DPP9: variants seen among roughly 807,000 people sequenced by gnomAD.
DPP9 encodes dipeptidyl peptidase 9.
In DPP9, 50 loss-of-function variants were observed where a neutral mutation model predicts 110.7. The ratio of observed to expected loss-of-function variants is 0.45; its 90% CI spans 0.36 to 0.57. The LOEUF is 0.57. Among genes scored for constraint, DPP9 ranks in the 20% least tolerant of loss-of-function variants. The probability of loss-of-function intolerance (pLI) is 0.00; values close to 1 mark genes in which losing one functional copy is unlikely to be tolerated. For missense variants in DPP9, 1,022 were observed against 1,217.9 expected, an observed-to-expected ratio of 0.84 and a Z score of 2.39; for synonymous variants, 561 against 514.4, an observed-to-expected ratio of 1.09 and a Z score of -1.23.
At position 4,694,649 on chromosome 19, in the gene DPP9, G is replaced by A. The variant is rs887857801; in HGVS notation, c.1516+12C>T. On this transcript the variant is annotated intron_variant, in intron 13 of 21. Transcript: ENST00000262960. This position sits in a 1 kb window ranked among gnomAD's most constrained non-coding sequence, Gnocchi z 4.0. Reference sequence around the variant, plus strand: ...CGCGATGAGTCGACAGCATTCGTCAGGCTCTGCTCACCTTCCCCGGGGCTG... The same window carrying A: ...CGCGATGAGTCGACAGCATTCGTCAAGCTCTGCTCACCTTCCCCGGGGCTG... The A allele has an allele frequency of 1.9e-6, 3 of 1,608,154 alleles. No individual in the cohort carries two copies. The highest frequency in any genetic ancestry group is 2.5e-6 in the Non-Finnish European group (3 of 1,177,206).
chr19:4,688,053 C>G (rs1263099220), intron 16 of DPP9, among the ~76,000 whole-genome samples: 1 of 152,174 alleles, frequency 6.6e-6, no homozygotes. Flanking sequence ...GCCTCAGCCT[C>G]CCAAAGTGCT....
chr19:4,701,750 G>A (rs745542124), intron 9 of DPP9, among the ~76,000 whole-genome samples: 4 of 152,232 alleles, frequency 2.6e-5, no homozygotes, highest in Admixed American at 6.5e-5. Flanking sequence ...AGTTGCAAGA[G>A]AGCCTGCCTT....
In DPP9 at chr19:4,694,809, G is replaced by C; in HGVS notation, c.1368C>G (p.Phe456Leu). ...TNVWINVHDI[F>L]YPFPQSEGED... The stretch of plus-strand genomic sequence containing the variant: ...CTCCCTCTGATTGGGGGAAGGGATA[G>C]AAGATGTCATGAACCTGTCCGGAAA... The change falls in exon 13 of 22, where the codon TTC becomes TTG. Residue 456 changes from phenylalanine (F) to leucine (L), a missense_variant. By Grantham distance (22) the Phe-to-Leu change is conservative (BLOSUM62 0). Transcript: ENST00000262960. The surrounding 1 kb of genome is among the most constrained non-coding windows in gnomAD (Gnocchi z 4.0). 1 of 1,613,888 alleles carries C rather than the reference G, an allele frequency of 6.2e-7. No individual in the cohort carries two copies. The highest frequency in any genetic ancestry group is 8.5e-7 in the Non-Finnish European group (1 of 1,179,866).
In DPP9 at chr19:4,684,338, G is replaced by A. The variant is rs1253476557; in HGVS notation, c.2178+325C>T. ...CCTCCCAGCCTCCAGAACTGTGAGA[G>A]ATTTTCGTTCTTTATAAATCCCCAG... On this transcript the variant is annotated intron_variant, in intron 18 of 21. Transcript: ENST00000262960. This position sits in a 1 kb window ranked among gnomAD's most constrained non-coding sequence, Gnocchi z 4.8. 5 of 351,826 alleles carry A rather than the reference G, an allele frequency of 1.4e-5. No homozygotes were observed. The East Asian group carries it at 2.6e-4, about 19-fold the overall frequency. The allele number at this position is 351,826 out of a possible 1,614,324, so 21.8% of individuals were successfully genotyped here.
At position 4,689,730 on chromosome 19, in the gene DPP9, G is replaced by A; in HGVS notation, c.1597-8C>T. Reference sequence around the variant, plus strand: ...CTCCTCATTGACCCAGATCTGCAGGGGGACAGGGGATCCTCGTGATGCGTC... The same window carrying A: ...CTCCTCATTGACCCAGATCTGCAGGAGGACAGGGGATCCTCGTGATGCGTC... On this transcript the variant is annotated splice_region_variant and splice_polypyrimidine_tract_variant and intron_variant, in intron 14 of 21. Coordinates refer to ENST00000262960, the MANE Select transcript of DPP9 (RefSeq NM_139159.5). This position sits in a 1 kb window ranked among gnomAD's most constrained non-coding sequence, Gnocchi z 7.0. The A allele has an allele frequency of 6.5e-7, 1 of 1,543,154 alleles. No homozygotes were observed. Among genetic ancestry groups the A allele is most frequent in the Middle Eastern group, 1.7e-4 (1 of 5,940 alleles).
chr19:4,713,951 A>G (rs2092957401), intron 4 of DPP9, 130 bp downstream of exon 4: 2 of 1,351,644 alleles, frequency 1.5e-6, no homozygotes, highest in East Asian at 5.1e-5. Flanking sequence ...GCCTCGAAGG[A>G]CAGCATGCCC....
rs1423780446 is a variant in DPP9 at position 4,687,017 on chromosome 19, A to G, written c.1886-1246T>C. Among the ~76,000 whole-genome samples, 6 of 152,200 alleles carry G rather than the reference A, an allele frequency of 3.9e-5. No individual in the cohort carries two copies. Among genetic ancestry groups the G allele is most frequent in the Non-Finnish European group, 5.9e-5 (4 of 68,052 alleles). On this transcript the variant is annotated intron_variant, in intron 16 of 21. Coordinates refer to ENST00000262960, the MANE Select transcript of DPP9 (RefSeq NM_139159.5). The surrounding 1 kb of genome is among the most constrained non-coding windows in gnomAD (Gnocchi z 4.7). ...GCACAGATTGGGAGTTTCGGGAAAC[A>G]GTGCCTCGTTCCCCAGGGCACTGAG...
intron 2 of DPP9, chr19:4,722,227 C>A (rs1263740760): frequency 4.4e-6 from 2 of 451,828 alleles, no homozygotes; most frequent in Admixed American, 3.8e-5. Context: ...TCCAGGCACC[C>A]CTCCACCAAA....
In DPP9 at chr19:4,713,661, G is replaced by A. The variant is rs993749518; in HGVS notation, c.313+420C>T. Among the ~76,000 whole-genome samples, 9 of 152,208 alleles carry A rather than the reference G, an allele frequency of 5.9e-5. No individual in the cohort carries two copies. The East Asian group carries it at 1.5e-3, about 26-fold the overall frequency. On this transcript the variant is annotated intron_variant, in intron 4 of 21. Transcript: ENST00000262960. ...GCGAGCTCCTCCTGGAGTTACTCCC[G>A]ACTCCCTCTGGGAATGGTTCAGTCC...
At chr19:4,717,338 G>C (rs2093127959) in intron 3 of DPP9, among the ~76,000 whole-genome samples, 1 of 152,182 alleles carries the variant, frequency 6.6e-6, no homozygotes, top group African/African-American at 2.4e-5. Context: ...TTAGGCAGCG[G>C]CTGGGACCAG....
In DPP9 at chr19:4,714,146, T is replaced by C. The variant is rs778643552; in HGVS notation, c.248A>G (p.His83Arg). ...YSGLIVNKAPHDFQFVQKTDE... is the reference protein window; with the variant it reads ...YSGLIVNKAPRDFQFVQKTDE... ...CGTCTTCTGCACAAACTGGAAGTCG[T>C]GGGGCGCCTTGTTGACAATGAGGCC... Residue 83 changes from histidine to arginine, a missense_variant, in exon 4 of 22, where the codon CAC (histidine) becomes CGC (arginine). Physicochemically the swap from His to Arg is conservative, Grantham distance 29. Around this residue, in one of 3 missense-constraint regions of DPP9, gnomAD observed 810 missense variants for 920.6 expected, o/e 0.88. Transcript: ENST00000262960. The C allele has an allele frequency of 6.2e-7, 1 of 1,613,336 alleles. No individual in the cohort carries two copies. The highest frequency in any genetic ancestry group is 1.1e-5 in the South Asian group (1 of 90,984).
Position 4,684,340 on chromosome 19 carries a change from T to G in DPP9, c.2178+323A>C. On this transcript the variant is annotated intron_variant, in intron 18 of 21. Coordinates refer to ENST00000262960, the MANE Select transcript of DPP9 (RefSeq NM_139159.5). The surrounding 1 kb of genome is among the most constrained non-coding windows in gnomAD (Gnocchi z 4.8). ...TCCCAGCCTCCAGAACTGTGAGAGATTTTCGTTCTTTATAAATCCCCAGGC... is the reference window on the plus strand; with the variant it reads ...TCCCAGCCTCCAGAACTGTGAGAGAGTTTCGTTCTTTATAAATCCCCAGGC... 3.6e-5 allele frequency: 12 copies of G among 334,100 alleles called. No individual in the cohort carries two copies. The highest frequency in any genetic ancestry group is 1.4e-4 in the East Asian group (2 of 14,168). 20.7% of individuals were successfully genotyped at this position (334,100 alleles called of 1,614,324 possible). A position where few individuals can be genotyped will look rare whatever the true frequency, so the allele number is the denominator to read the frequency against.
rs1287619829 is a variant in DPP9, at chr19:4,698,881, G to A, written c.1075-1230C>T. 4.6e-5 allele frequency among the ~76,000 whole-genome samples: 7 copies of A among 151,756 alleles called. No homozygotes were observed. The highest frequency in any genetic ancestry group is 7.4e-5 in the Non-Finnish European group (5 of 67,904). On this transcript the variant is annotated intron_variant, in intron 10 of 21. Coordinates refer to ENST00000262960, the MANE Select transcript of DPP9 (RefSeq NM_139159.5). The surrounding 1 kb of genome is among the most constrained non-coding windows in gnomAD (Gnocchi z 4.2). The stretch of plus-strand genomic sequence containing the variant: ...ACTGTCAAGAATGCAAAAGAAGGCC[G>A]GGTGTGGTGGCTCACACCTGTAATC...
At position 4,682,669 on chromosome 19, in the gene DPP9, G is replaced by A. The variant is rs1180357826; in HGVS notation, c.2474+27C>T. The A allele has an allele frequency of 1.9e-6, 3 of 1,605,318 alleles. No homozygotes were observed. The highest frequency in any genetic ancestry group is 2.2e-5 in the East Asian group (1 of 44,536). ...GGGGTGCAGGAGAAGCCCCGGGGAG[G>A]AGCGCAGGGCAGGGCAGTGGCCTTA... On this transcript the variant is annotated intron_variant, in intron 20 of 21. Coordinates refer to ENST00000262960, the MANE Select transcript of DPP9 (RefSeq NM_139159.5). The surrounding 1 kb of genome is among the most constrained non-coding windows in gnomAD (Gnocchi z 7.1).
intron 9 of DPP9, among the ~76,000 whole-genome samples, chr19:4,701,239 G>A (rs1025187837): frequency 2.3e-4 from 35 of 152,184 alleles, no homozygotes; most frequent in Admixed American, 2.2e-3. Context: ...AGGCCGAGGC[G>A]AGAGGACCAC....
At chr19:4,721,190 C>T (rs59550154) in intron 2 of DPP9, among the ~76,000 whole-genome samples, 4,991 of 152,266 alleles carry the variant, frequency 0.033, 261 homozygotes, top group African/African-American at 0.11. Context: ...ACTCCTCTGC[C>T]AAGAATGACC....
rs556768287 is a variant in DPP9 at position 4,689,789 on chromosome 19, C to T, written c.1597-67G>A. 2 of 1,470,096 alleles carry T rather than the reference C, an allele frequency of 1.4e-6. No individual in the cohort carries two copies. Among genetic ancestry groups the T allele is most frequent in the African/African-American group, 1.4e-5 (1 of 70,816 alleles). The allele number at this position is 1,470,096 out of a possible 1,614,324, so 91.1% of individuals were successfully genotyped here. ...CCCTGGGCCCACACCCCTCTCCACG[C>T]CCCACAGGAGTGGGCCCCATGTTCC... On this transcript the variant is annotated intron_variant, in intron 14 of 21. Transcript: ENST00000262960. The surrounding 1 kb of genome is among the most constrained non-coding windows in gnomAD (Gnocchi z 7.0).
rs909406487 is a variant in DPP9 at position 4,684,518 on chromosome 19, C to A, written c.2178+145G>T. On this transcript the variant is annotated intron_variant, in intron 18 of 21. Transcript: ENST00000262960. The surrounding 1 kb of genome is among the most constrained non-coding windows in gnomAD (Gnocchi z 4.8). The stretch of plus-strand genomic sequence containing the variant: ...TACATCCCCTTTTGTTCTAAAAGGG[C>A]GCCTCATTGAGCCTGCGTCACCCCA... The A allele has an allele frequency of 1.9e-5, 16 of 854,494 alleles. No individual in the cohort carries two copies. In the East Asian group the frequency reaches 2.7e-4, roughly 14 times the overall value. 52.9% of individuals were successfully genotyped at this position (854,494 alleles called of 1,614,324 possible).
intron 19 of DPP9, 80 bp downstream of exon 19, chr19:4,683,397 C>T (rs982427563): frequency 1.2e-5 from 19 of 1,581,256 alleles, no homozygotes; most frequent in Middle Eastern, 3.4e-4. Flanking sequence ...CCGGGTGGCG[C>T]GGGCGGTGGG....
Sources: gnomAD v4.1 joint callset for allele counts (sites outside exome capture counted in the v4.1 genomes callset) on GRCh38, gnomAD v4.1.1 for gene constraint, gnomAD v4.1.1 regional missense constraint, Gnocchi (gnomAD v3.1) non-coding constraint, MANE v1.5 for transcripts, NCBI Gene and HGNC (gene_info 2026-07-23, HGNC 2026-07-21) for gene names.